Variants in JMJD6 observed in about 807,000 individuals in gnomAD.
JMJD6 encodes jumonji domain containing 6, arginine demethylase and lysine hydroxylase.
In JMJD6, 17 loss-of-function variants were observed where a neutral mutation model predicts 45.8. The ratio of observed to expected loss-of-function variants is 0.37; its 90% CI spans 0.25 to 0.56. The LOEUF (loss-of-function observed/expected upper bound fraction) is 0.56, where lower values mean the gene tolerates loss of function less well. JMJD6 is among the 20% of genes least tolerant of loss of function. The probability of loss-of-function intolerance (pLI) is 0.79; values close to 1 mark genes in which losing one functional copy is unlikely to be tolerated. For missense variants in JMJD6, 470 were observed against 517.5 expected, an observed-to-expected ratio of 0.91 and a Z score of 0.89; for synonymous variants, 221 against 196.3, an observed-to-expected ratio of 1.13 and a Z score of -1.05.
At chr17:76,716,840 C>T (rs1598372526), downstream of JMJD6, 4 of 928,100 alleles carry the variant, frequency 4.3e-6, no homozygotes, top group East Asian at 7.3e-5. Context: ...CATGGCAGGG[C>T]TTTCTCCAGA....
chr17:76,726,201 C>G, intron 1 of JMJD6, 146 bp downstream of exon 1: 1 of 1,156,152 alleles, frequency 8.6e-7, no homozygotes, highest in African/African-American at 1.6e-5. Context: ...ATCCGCGCCT[C>G]GGGGACCCCA....
At chr17:76,717,826 T>C (rs1454402198), downstream of JMJD6, among the ~76,000 whole-genome samples, 1 of 100,732 alleles carries the variant, frequency 9.9e-6, no homozygotes, top group African/African-American at 4.0e-5. Flanking sequence ...CTGTCTCTAC[T>C]AAAAATAAAA....
rs374027972 is a variant in JMJD6, at chr17:76,718,692, G to A, written c.*37C>T. Reference sequence around the variant, plus strand: ...CCTCCCCAGGCCCTGCCCTTGCCGCGAGCGTGTCCTTCCATACAGACAACA... The same window carrying A: ...CCTCCCCAGGCCCTGCCCTTGCCGCAAGCGTGTCCTTCCATACAGACAACA... On this transcript the variant is annotated 3_prime_UTR_variant, in exon 6 of 6. Coordinates refer to ENST00000397625, the MANE Select transcript of JMJD6 (RefSeq NM_015167.3). The A allele has an allele frequency of 5.4e-5, 86 of 1,606,886 alleles. No homozygotes were observed. The highest frequency in any genetic ancestry group is 9.3e-5 in the African/African-American group (7 of 75,000).
Position 76,723,759 on chromosome 17 carries a change from A to C in JMJD6, c.805+13T>G, listed in dbSNP as rs1214458589. 6.2e-7 allele frequency: 1 copy of C among 1,609,926 alleles called. No individual in the cohort carries two copies. Among genetic ancestry groups the C allele is most frequent in the African/African-American group, 1.3e-5 (1 of 74,770 alleles). ...CCCGGCAAAGAATGTACTTTCTTCC[A>C]GTTCATCTATACCTGGTACAAAGAC... On this transcript the variant is annotated intron_variant, in intron 3 of 5. Coordinates refer to ENST00000397625, the MANE Select transcript of JMJD6 (RefSeq NM_015167.3).
downstream of JMJD6, among the ~76,000 whole-genome samples, chr17:76,717,686 A>G (rs1016107923): frequency 2.6e-5 from 4 of 151,962 alleles, no homozygotes; most frequent in African/African-American, 9.7e-5. Flanking sequence ...TGTCACTACT[A>G]AAAATAATAA....
At chr17:76,717,618 T>G (rs550516550), downstream of JMJD6, among the ~76,000 whole-genome samples, 16 of 151,238 alleles carry the variant, frequency 1.1e-4, no homozygotes, top group South Asian at 2.1e-4. Flanking sequence ...GAGGCTGAGG[T>G]GGGGGGATCA....
chr17:76,720,597 GA>G (rs1402288755), intron 4 of JMJD6, 99 bp from the exon 5 acceptor site: 3 of 1,175,086 alleles, frequency 2.6e-6, no homozygotes, highest in African/African-American at 1.5e-5. Flanking sequence ...AAACACCTGG[GA>G]ATGCCAGGTG....
chr17:76,723,784 C>CAG lies in JMJD6; in HGVS notation c.791_792dup (p.Val265LeufsTer39). On this transcript the variant is annotated frameshift_variant, in exon 3 of 6. Transcript: ENST00000397625. LOFTEE classifies it high-confidence loss of function. ...AGTTCATCTATACCTGGTACAAAGA[C>CAG]AGTCTCTCCTGGTTTTTGTAAGATT... is the stretch of plus-strand genomic sequence containing the variant. 1 of 1,614,058 alleles carries CAG rather than the reference C, an allele frequency of 6.2e-7. No individual in the cohort carries two copies. Among genetic ancestry groups the CAG allele is most frequent in the Non-Finnish European group, 8.5e-7 (1 of 1,179,930 alleles).
downstream of JMJD6, among the ~76,000 whole-genome samples, chr17:76,717,851 C>T (rs778385853): frequency 2.6e-5 from 4 of 151,644 alleles, no homozygotes; most frequent in Admixed American, 6.6e-5. Flanking sequence ...ATTAGCTGGG[C>T]GTGGTGGCGC....
intron 3 of JMJD6, among the ~76,000 whole-genome samples, chr17:76,722,437 C>T (rs538795468): frequency 6.9e-4 from 105 of 152,330 alleles, no homozygotes; most frequent in African/African-American, 2.4e-3. Context: ...CCAATTTAGG[C>T]TGCGCTTGGT....
Position 76,725,510 on chromosome 17 carries a change from C to T in JMJD6, c.475G>A (p.Asp159Asn), listed in dbSNP as rs1162409498. The T allele has an allele frequency of 6.2e-7, 1 of 1,613,674 alleles. No individual in the cohort carries two copies. Among genetic ancestry groups the T allele is most frequent in the East Asian group, 2.2e-5 (1 of 44,874 alleles). The change falls in exon 2 of 6, where the codon GAC becomes AAC. Residue 159 changes from aspartate to asparagine, a missense_variant. Coordinates refer to ENST00000397625, the MANE Select transcript of JMJD6 (RefSeq NM_015167.3). The stretch of plus-strand genomic sequence containing the variant: ...TTCTCCCCAGCATACTGGAAAAGGT[C>T]ATCAGTGAAAAACTTTGGCACCTTG... ...DYKVPKFFTD[D>N]LFQYAGEKRR... is the part of the protein sequence containing the mutation.
chr17:76,720,208 C>T (rs1026025572), intron 5 of JMJD6, 152 bp downstream of exon 5: 1 of 678,864 alleles, frequency 1.5e-6, no homozygotes, highest in East Asian at 2.6e-5. Flanking sequence ...CACCACTCAG[C>T]AGGAATGGTG....
downstream of JMJD6, chr17:76,716,702 C>CCTCCACAA: frequency 6.2e-7 from 1 of 1,614,118 alleles, no homozygotes; most frequent in Admixed American, 1.7e-5. Flanking sequence ...GTGAGCCCGG[C>CCTCCACAA]CTCCACAAGT....
chr17:76,720,017 C>T (rs1192112319), intron 5 of JMJD6, among the ~76,000 whole-genome samples: 3 of 152,028 alleles, frequency 2.0e-5, no homozygotes, highest in African/African-American at 7.3e-5. Flanking sequence ...TGGTGGCATG[C>T]GCCTGTAATC....
chr17:76,716,788 G>A (rs1052947653), downstream of JMJD6: 57 of 1,581,310 alleles, frequency 3.6e-5, no homozygotes, highest in Admixed American at 3.0e-4. Flanking sequence ...AAAGCTGGAA[G>A]GCAATGTTAA....
At chr17:76,725,406 CAAAAAAAAA>C in intron 2 of JMJD6, 52 bp downstream of exon 2, 6 of 951,460 alleles carry the variant, frequency 6.3e-6, no homozygotes, top group South Asian at 2.0e-5. Context: ...CGCTCTGTCT[CAAAAAAAAA>C]AAAAAAAAAA....
intron 3 of JMJD6, 21 bp downstream of exon 3, chr17:76,723,749 ACT>A: frequency 6.2e-7 from 1 of 1,608,244 alleles, no homozygotes. Flanking sequence ...CAAAGAATGT[ACT>A]TTCTTCCAGT....
At chr17:76,726,106 T>G (rs985550734) in intron 1 of JMJD6, among the ~76,000 whole-genome samples, 1 of 152,136 alleles carries the variant, frequency 6.6e-6, no homozygotes, top group African/African-American at 2.4e-5. Flanking sequence ...GCCTTCTAGT[T>G]GAGAGCGCCA....
rs2076910261 is a variant in JMJD6 at position 76,725,729 on chromosome 17, TCCATTTCTCCTGCGCAGACCAGC to T, written c.233_255del (p.Gly78AspfsTer18). 1 of 1,613,790 alleles carries T rather than the reference TCCATTTCTCCTGCGCAGACCAGC, an allele frequency of 6.2e-7. No individual in the cohort carries two copies. Among genetic ancestry groups the T allele is most frequent in the Non-Finnish European group, 8.5e-7 (1 of 1,179,992 alleles). The stretch of plus-strand genomic sequence containing the variant: ...TATTTCCTTTTTAGGCGCTCCAGAG[TCCATTTCTCCTGCGCAGACCAGC>T]CCTCTTGCGCATTCAACAAAACCAC... On this transcript the variant is annotated frameshift_variant, in exon 2 of 6. Coordinates refer to ENST00000397625, the MANE Select transcript of JMJD6 (RefSeq NM_015167.3). LOFTEE classifies it high-confidence loss of function.
Sources: gnomAD v4.1 joint callset for allele counts (sites outside exome capture counted in the v4.1 genomes callset) on GRCh38, gnomAD v4.1.1 for gene constraint, MANE v1.5 for transcripts, NCBI Gene and HGNC (gene_info 2026-07-23, HGNC 2026-07-21) for gene names.